Variants in MAPK10 observed in about 807,000 individuals in gnomAD.
MAPK10 encodes mitogen-activated protein kinase 10.
A neutral mutation model predicts 59.3 loss-of-function variants in MAPK10; 25 were observed. The ratio of observed to expected loss-of-function variants is 0.42; its 90% CI spans 0.31 to 0.59. The LOEUF (loss-of-function observed/expected upper bound fraction) is 0.59, where lower values mean the gene tolerates loss of function less well. Ranked by LOEUF, MAPK10 falls within the 20% of genes least tolerant of loss-of-function variation. The probability of loss-of-function intolerance (pLI) is 0.15; values close to 1 mark genes in which losing one functional copy is unlikely to be tolerated. For missense variants in MAPK10, 351 were observed against 568.9 expected (o/e 0.62, Z 3.90); for synonymous variants, 190 against 200.5 (o/e 0.95, Z 0.44).
At chr4:86,303,278 G>A (rs1391923348) in intron 2 of MAPK10, among the ~76,000 whole-genome samples, 2 of 151,776 alleles carry the variant, frequency 1.3e-5, no homozygotes, top group African/African-American at 4.8e-5. Flanking sequence ...TTTGTTTTTT[G>A]CTCTAAGTAA....
intron 1 of MAPK10, among the ~76,000 whole-genome samples, chr4:86,373,885 C>T (rs2148995489): frequency 6.6e-6 from 1 of 152,246 alleles, no homozygotes; most frequent in South Asian, 2.1e-4. Flanking sequence ...TACCATTTGA[C>T]AGAGCAATCC....
intron 1 of MAPK10, among the ~76,000 whole-genome samples, chr4:86,522,960 T>C (rs998877788): frequency 3.3e-5 from 5 of 152,206 alleles, no homozygotes; most frequent in African/African-American, 1.2e-4. Flanking sequence ...TGTTGCTATA[T>C]GCAGGAAAAA....
chr4:86,267,959 G>A (rs2094311165), intron 2 of MAPK10, among the ~76,000 whole-genome samples: 1 of 152,138 alleles, frequency 6.6e-6, no homozygotes, highest in Non-Finnish European at 1.5e-5. Flanking sequence ...TTGGAAGCAA[G>A]TCTCTCTATT....
At chr4:86,213,538 C>T (rs866083100) in intron 2 of MAPK10, among the ~76,000 whole-genome samples, 32 of 151,816 alleles carry the variant, frequency 2.1e-4, no homozygotes, top group African/African-American at 7.7e-4. Context: ...GACATTAGTA[C>T]AAATTCTAAA....
At chr4:86,018,595 G>C (rs1744569728) in intron 13 of MAPK10, among the ~76,000 whole-genome samples, 1 of 152,204 alleles carries the variant, frequency 6.6e-6, no homozygotes, top group East Asian at 1.9e-4. Flanking sequence ...ATCAACAAAA[G>C]AAAGATGAAC....
intron 1 of MAPK10, among the ~76,000 whole-genome samples, chr4:86,463,314 T>A (rs1751909183): frequency 6.6e-6 from 1 of 152,232 alleles, no homozygotes; most frequent in Non-Finnish European, 1.5e-5. Context: ...CATTTACAAT[T>A]CCTGCAGTAA....
At chr4:86,289,606 ATATAT>A (rs781381626) in intron 2 of MAPK10, among the ~76,000 whole-genome samples, 15 of 149,820 alleles carry the variant, frequency 1.0e-4, no homozygotes, top group South Asian at 6.2e-4. Flanking sequence ...TTATATAATA[ATATAT>A]TATGTTGTTA....
intron 4 of MAPK10, among the ~76,000 whole-genome samples, chr4:86,150,626 C>T (rs1458067779): frequency 1.3e-5 from 2 of 152,084 alleles, no homozygotes; most frequent in Non-Finnish European, 2.9e-5. Context: ...CTTTGGGAGG[C>T]CGAGACGGGC....
chr4:86,358,998 T>C (rs942020246), intron 1 of MAPK10: 8 of 152,138 alleles, frequency 5.3e-5, no homozygotes, highest in Admixed American at 2.0e-4. Context: ...CTGACCCCTG[T>C]TCTGTGTTCC....
At chr4:86,313,511 A>G (rs112684115) in intron 2 of MAPK10, among the ~76,000 whole-genome samples, 14 of 152,254 alleles carry the variant, frequency 9.2e-5, no homozygotes, top group Admixed American at 3.9e-4. Flanking sequence ...GAGCTACAAT[A>G]TCAGGAAGAA....
chr4:86,032,531 A>C (rs1476177307), intron 11 of MAPK10: 2 of 152,144 alleles, frequency 1.3e-5, no homozygotes, highest in African/African-American at 4.8e-5. Flanking sequence ...GAGTGATGCA[A>C]CCCCTTTAGG....
intron 11 of MAPK10, among the ~76,000 whole-genome samples, chr4:86,040,085 C>G (rs555004554): frequency 6.6e-6 from 1 of 152,154 alleles, no homozygotes; most frequent in East Asian, 1.9e-4. Context: ...GCACAGACAT[C>G]AGTGTAAGGA....
At chr4:86,208,440 C>A (rs1265334880) in intron 2 of MAPK10, among the ~76,000 whole-genome samples, 1 of 148,012 alleles carries the variant, frequency 6.8e-6, no homozygotes, top group Non-Finnish European at 1.5e-5. Flanking sequence ...TCAATATACG[C>A]AAGTCAATAA....
At chr4:86,566,272 C>T (rs1298200624) in intron 1 of MAPK10, among the ~76,000 whole-genome samples, 1 of 152,142 alleles carries the variant, frequency 6.6e-6, no homozygotes, top group Non-Finnish European at 1.5e-5. Flanking sequence ...TACTCAAATA[C>T]TACCCCTGAT....
intron 1 of MAPK10, among the ~76,000 whole-genome samples, chr4:86,477,001 A>T (rs1480524579): frequency 6.6e-6 from 1 of 152,038 alleles, no homozygotes; most frequent in African/African-American, 2.4e-5. Flanking sequence ...AGCCCCTGGA[A>T]CTCTGACCCA....
At position 86,194,333 on chromosome 4, in the gene MAPK10, C is replaced by G. The variant is rs756057113; in HGVS notation, c.66+3G>C. ...CCTTGTTTTACCTGTAAGGAACACACACCTGACAAAAGGCAATTTTCACAT... is the reference window on the plus strand; with the variant it reads ...CCTTGTTTTACCTGTAAGGAACACAGACCTGACAAAAGGCAATTTTCACAT... On this transcript the variant is annotated splice_donor_region_variant and intron_variant, in intron 3 of 13. Transcript: ENST00000641462. 1.2e-6 allele frequency: 2 copies of G among 1,611,860 alleles called. No individual in the cohort carries two copies. Among genetic ancestry groups the G allele is most frequent in the Non-Finnish European group, 1.7e-6 (2 of 1,178,144 alleles).
At chr4:86,452,752 G>A (rs1185529663) in intron 1 of MAPK10, among the ~76,000 whole-genome samples, 1 of 152,076 alleles carries the variant, frequency 6.6e-6, no homozygotes, top group Non-Finnish European at 1.5e-5. Context: ...CATGGCGGAC[G>A]GGAGGCAGGA....
At chr4:86,474,245 A>G (rs1752889429) in intron 1 of MAPK10, among the ~76,000 whole-genome samples, 1 of 152,188 alleles carries the variant, frequency 6.6e-6, no homozygotes, top group African/African-American at 2.4e-5. Context: ...ACATTTGATT[A>G]TTTTTATGGT....
chr4:86,262,693 G>T (rs193192313), intron 2 of MAPK10, among the ~76,000 whole-genome samples: 167 of 152,288 alleles, frequency 1.1e-3, no homozygotes, highest in African/African-American at 3.8e-3. Context: ...AACCAATACA[G>T]TGAAAAAAGG....
Sources: gnomAD v4.1 joint callset for allele counts (sites outside exome capture counted in the v4.1 genomes callset) on GRCh38, gnomAD v4.1.1 for gene constraint, MANE v1.5 for transcripts, NCBI Gene and HGNC (gene_info 2026-07-23, HGNC 2026-07-21) for gene names.